Variants in ZBTB20 observed in about 807,000 individuals in gnomAD.
ZBTB20 encodes zinc finger and BTB domain-containing protein 20.
Under a neutral mutation model 56.9 loss-of-function variants are expected in ZBTB20, and 9 were observed. The ratio of observed to expected loss-of-function variants is 0.16; its 90% CI spans 0.10 to 0.28. ZBTB20 has a LOEUF of 0.28. Ranked by LOEUF, ZBTB20 falls within the 10% of genes least tolerant of loss-of-function variation. The pLI is 1.00. For synonymous variants in ZBTB20, 417 were observed against 420.7 expected (o/e 0.99, Z 0.11); for missense variants, 655 against 1,003.0 (o/e 0.65, Z 4.69).
intron 3 of ZBTB20, chr3:114,931,362 C>T: frequency 4.2e-6 from 1 of 240,378 alleles, no homozygotes; most frequent in Non-Finnish European, 8.3e-6. Context: ...TATGTAGACT[C>T]CCAGAAAACC....
At chr3:114,680,218 G>A (rs2061886974) in intron 6 of ZBTB20, among the ~76,000 whole-genome samples, 1 of 152,016 alleles carries the variant, frequency 6.6e-6, no homozygotes, top group South Asian at 2.1e-4. Context: ...AAACCACCAT[G>A]GCATGTGTAT....
intron 5 of ZBTB20, among the ~76,000 whole-genome samples, chr3:114,750,979 A>G (rs1048291737): frequency 1.3e-5 from 2 of 152,188 alleles, no homozygotes; most frequent in African/African-American, 4.8e-5. Context: ...CAAAGGATTA[A>G]GTTAGTTTTA....
intron 3 of ZBTB20, among the ~76,000 whole-genome samples, chr3:114,949,240 C>T (rs545866382): frequency 2.1e-5 from 3 of 145,984 alleles, no homozygotes; most frequent in Non-Finnish European, 2.9e-5. Context: ...CCATCCTTGC[C>T]CCCATCTCAC....
chr3:115,123,812 A>AGTGGC (rs1392981211), intron 1 of ZBTB20, among the ~76,000 whole-genome samples: 9 of 152,192 alleles, frequency 5.9e-5, no homozygotes, highest in Non-Finnish European at 1.0e-4. Context: ...TCCTGAATAA[A>AGTGGC]AATACGTGGC....
intron 10 of ZBTB20, chr3:114,356,137 G>C (rs1462990627): frequency 2.6e-5 from 4 of 152,178 alleles, no homozygotes; most frequent in African/African-American, 9.7e-5. Context: ...TGTATTCTAA[G>C]AGACTGTTCT....
chr3:114,434,957 A>G, intron 7 of ZBTB20, among the ~76,000 whole-genome samples: 1 of 152,188 alleles, frequency 6.6e-6, no homozygotes, highest in East Asian at 1.9e-4. Flanking sequence ...GGTTCTAGCT[A>G]TTCATATGAT....
Position 114,781,838 on chromosome 3 carries a change from G to A in ZBTB20, c.-343+19263C>T, listed in dbSNP as rs544814547. Among the ~76,000 whole-genome samples, 18 of 152,214 alleles carry A rather than the reference G, an allele frequency of 1.2e-4. No individual in the cohort carries two copies. In the East Asian group the frequency reaches 3.3e-3, roughly 28 times the overall value. ...GATTTTATAAGGGGTTTCCCCTTTCGCTTGGCTCTTTCCTTCTCTCTTCCC... is the reference window on the plus strand; with the variant it reads ...GATTTTATAAGGGGTTTCCCCTTTCACTTGGCTCTTTCCTTCTCTCTTCCC... On this transcript the variant is annotated intron_variant, in intron 5 of 11. Transcript: ENST00000675478.
At chr3:114,589,441 G>T (rs1402562) in intron 6 of ZBTB20, among the ~76,000 whole-genome samples, 1 of 152,030 alleles carries the variant, frequency 6.6e-6, no homozygotes, top group African/African-American at 2.4e-5. Flanking sequence ...AGGTAGTACT[G>T]GTGGCAAAGC....
chr3:115,045,551 G>GA, intron 2 of ZBTB20, among the ~76,000 whole-genome samples: 1 of 151,050 alleles, frequency 6.6e-6, no homozygotes, highest in South Asian at 2.1e-4. Context: ...CTGACCTTAA[G>GA]CCTCCTTAAA....
At chr3:114,551,148 T>C (rs1030446206) in intron 6 of ZBTB20, among the ~76,000 whole-genome samples, 20 of 152,384 alleles carry the variant, frequency 1.3e-4, no homozygotes, top group African/African-American at 4.8e-4. Flanking sequence ...TTTAAATCGA[T>C]TGTTTTTTAA....
At chr3:114,775,807 G>A (rs2108755988) in intron 5 of ZBTB20, among the ~76,000 whole-genome samples, 1 of 152,252 alleles carries the variant, frequency 6.6e-6, no homozygotes, top group African/African-American at 2.4e-5. Context: ...GATTCTTCTT[G>A]CCTTAGGCAC....
chr3:114,566,783 A>AATCCC (rs1238203639), intron 6 of ZBTB20, among the ~76,000 whole-genome samples: 2 of 152,208 alleles, frequency 1.3e-5, no homozygotes, highest in East Asian at 3.9e-4. Context: ...AAAATGTATC[A>AATCCC]CTTTAATGTA....
chr3:115,140,563 G>A (rs1202557034), intron 1 of ZBTB20, among the ~76,000 whole-genome samples: 1 of 151,900 alleles, frequency 6.6e-6, no homozygotes, highest in African/African-American at 2.4e-5. Flanking sequence ...GTGTGGTGGT[G>A]GTAGGGGTCT....
At chr3:114,434,834 T>C (rs1453483439) in intron 7 of ZBTB20, among the ~76,000 whole-genome samples, 1 of 151,974 alleles carries the variant, frequency 6.6e-6, no homozygotes, top group African/African-American at 2.4e-5. Context: ...TTCAGGCGCA[T>C]GGAAAAAGTT....
chr3:114,414,756 A>G (rs1451546702), intron 7 of ZBTB20, among the ~76,000 whole-genome samples: 3 of 147,980 alleles, frequency 2.0e-5, no homozygotes, highest in Admixed American at 6.8e-5. Flanking sequence ...TATATAAAAT[A>G]TAAAATGCTA....
At chr3:114,996,696 G>T (rs1193233638) in intron 2 of ZBTB20, among the ~76,000 whole-genome samples, 3 of 151,840 alleles carry the variant, frequency 2.0e-5, no homozygotes, top group Non-Finnish European at 2.9e-5. Context: ...ATACACATAT[G>T]TCTTTATAGT....
chr3:114,923,884 A>T (rs1334454070), intron 3 of ZBTB20, among the ~76,000 whole-genome samples: 1 of 152,176 alleles, frequency 6.6e-6, no homozygotes, highest in Non-Finnish European at 1.5e-5. Context: ...AATAATAACA[A>T]TAACTCAATT....
intron 2 of ZBTB20, among the ~76,000 whole-genome samples, chr3:115,005,322 A>G (rs892847746): frequency 6.6e-6 from 1 of 151,736 alleles, no homozygotes; most frequent in African/African-American, 2.4e-5. Flanking sequence ...ATTTATTTGT[A>G]TAAATTTATC....
intron 6 of ZBTB20, among the ~76,000 whole-genome samples, chr3:114,508,168 C>CAACTA (rs1477405451): frequency 6.6e-6 from 1 of 152,092 alleles, no homozygotes; most frequent in Non-Finnish European, 1.5e-5. Flanking sequence ...TCTTCAAAGA[C>CAACTA]AACAGGAGAA....
Sources: allele counts gnomAD v4.1 joint callset (sites outside exome capture counted in the v4.1 genomes callset), GRCh38; gene constraint gnomAD v4.1.1; transcripts MANE v1.5; gene names NCBI Gene and HGNC (gene_info 2026-07-23, HGNC 2026-07-21).